Variants in RBM47 observed in about 807,000 individuals in gnomAD.
The protein encoded by RBM47 is RNA binding motif protein 47, also known as RNA-binding protein 47.
In RBM47, 21 loss-of-function variants were observed where a neutral mutation model predicts 47.1. That is an observed-to-expected ratio of 0.45 (90% CI 0.32 to 0.64). The LOEUF (loss-of-function observed/expected upper bound fraction) is 0.64, where lower values mean the gene tolerates loss of function less well. Ranked by LOEUF, RBM47 falls within the 30% of genes least tolerant of loss-of-function variation. The probability of loss-of-function intolerance (pLI) is 0.05; values close to 1 mark genes in which losing one functional copy is unlikely to be tolerated. For synonymous variants in RBM47, 375 were observed against 361.7 expected (o/e 1.04, Z -0.42); for missense variants, 708 against 870.9 (o/e 0.81, Z 2.35).
At position 40,554,766 on chromosome 4, in the gene RBM47, C is replaced by T. The variant is rs115466522; in HGVS notation, c.-239-10260G>A. Among the ~76,000 whole-genome samples the T allele has an allele frequency of 4.0e-3, 610 of 151,136 alleles. 1 individual carries two copies. The highest frequency in any genetic ancestry group is 0.014 in the African/African-American group (571 of 41,266). On this transcript the variant is annotated intron_variant, in intron 1 of 6. Coordinates refer to ENST00000295971, the MANE Select transcript of RBM47 (RefSeq NM_001098634.2). ...ATCTCTCTCTCCTTTCTTTCCCTCC[C>T]TCCCTCCCTTTCTTCCTTTTTTTTT...
intron 2 of RBM47, among the ~76,000 whole-genome samples, chr4:40,531,390 TC>T (rs1727373321): frequency 1.3e-5 from 2 of 151,624 alleles, no homozygotes; most frequent in Admixed American, 6.6e-5. Context: ...TGAATGGAGC[TC>T]CCCTGGTCCT....
At chr4:40,534,892 G>A (rs890011039) in intron 2 of RBM47, among the ~76,000 whole-genome samples, 1 of 148,318 alleles carries the variant, frequency 6.7e-6, no homozygotes, top group Non-Finnish European at 1.5e-5. Context: ...CCGAGATCGT[G>A]CCAGTGCACT....
chr4:40,476,957 G>A (rs751698012), intron 2 of RBM47, among the ~76,000 whole-genome samples: 32 of 152,306 alleles, frequency 2.1e-4, no homozygotes, highest in Middle Eastern at 3.4e-3. Flanking sequence ...AGAATGGGCC[G>A]GGTGTGGTGG....
In RBM47 at chr4:40,476,199, T is replaced by C. The variant is rs142450034; in HGVS notation, c.-154-9500A>G. Among the ~76,000 whole-genome samples, 336 of 152,244 alleles carry C rather than the reference T, an allele frequency of 2.2e-3. 2 individuals carry two copies. Among genetic ancestry groups the C allele is most frequent in the South Asian group, 5.0e-3 (24 of 4,830 alleles). On this transcript the variant is annotated intron_variant, in intron 2 of 6. Transcript: ENST00000295971. ...GCTGTTGGGATTAAATAAATAAATA[T>C]ACGTAAAGTGTTTAGAAAAGCTCCT...
chr4:40,423,713 T>TTTC lies in RBM47; in HGVS notation c.*2190_*2191insGAA, dbSNP rs200814411. 5.4e-4 allele frequency: 42 copies of TTTC among 78,222 alleles called. No homozygotes were observed. The highest frequency in any genetic ancestry group is 3.8e-3 in the East Asian group (6 of 1,580). 4.8% of individuals were successfully genotyped at this position (78,222 alleles called of 1,614,324 possible). A position where few individuals can be genotyped will look rare whatever the true frequency, so the allele number is the denominator to read the frequency against. ...CTTTCTTTCTTTCTTTCTTTCTTTC[T>TTTC]TTTCTTTCTTTTCTTTCTTCCTCTT... On this transcript the variant is annotated 3_prime_UTR_variant, in exon 7 of 7. Transcript: ENST00000295971.
intron 2 of RBM47, among the ~76,000 whole-genome samples, chr4:40,534,889 C>G (rs772712615): frequency 2.7e-5 from 4 of 147,390 alleles, no homozygotes; most frequent in African/African-American, 1.0e-4. Flanking sequence ...GAGCCGAGAT[C>G]GTGCCAGTGC....
intron 1 of RBM47, among the ~76,000 whole-genome samples, chr4:40,569,845 G>C (rs1037569253): frequency 1.3e-5 from 2 of 151,704 alleles, no homozygotes; most frequent in African/African-American, 4.8e-5. Flanking sequence ...CAAGTAGCTG[G>C]GATTACAGAT....
chr4:40,458,659 TG>T (rs1260476033), intron 3 of RBM47, among the ~76,000 whole-genome samples: 1 of 152,150 alleles, frequency 6.6e-6, no homozygotes, highest in Non-Finnish European at 1.5e-5. Flanking sequence ...AAAGACAAAA[TG>T]CATTAAATAC....
At chr4:40,507,934 C>T (rs1441075558) in intron 2 of RBM47, among the ~76,000 whole-genome samples, 8 of 151,726 alleles carry the variant, frequency 5.3e-5, no homozygotes, top group African/African-American at 1.7e-4. Context: ...GGCGTGGTGG[C>T]GCATGCCTGT....
chr4:40,597,543 C>T (rs1354172661), intron 1 of RBM47, among the ~76,000 whole-genome samples: 1 of 152,158 alleles, frequency 6.6e-6, no homozygotes, highest in African/African-American at 2.4e-5. Flanking sequence ...GATCACGCCA[C>T]TGCACTCCAG....
intron 1 of RBM47, among the ~76,000 whole-genome samples, chr4:40,599,691 G>A (rs1735066820): frequency 6.7e-6 from 1 of 149,938 alleles, no homozygotes; most frequent in Non-Finnish European, 1.5e-5. Flanking sequence ...TGTGAGCAAA[G>A]CCATCTTAAA....
intron 2 of RBM47, among the ~76,000 whole-genome samples, chr4:40,540,726 A>T (rs1206735053): frequency 1.3e-5 from 2 of 149,008 alleles, no homozygotes; most frequent in Non-Finnish European, 3.0e-5. Flanking sequence ...TTCCTTATAG[A>T]ACTATATAGG....
chr4:40,487,032 C>T lies in RBM47; in HGVS notation c.-154-20333G>A, dbSNP rs1721184304. Among the ~76,000 whole-genome samples, 3 of 152,300 alleles carry T rather than the reference C, an allele frequency of 2.0e-5. No individual in the cohort carries two copies. In the South Asian group the frequency reaches 6.2e-4, roughly 32 times the overall value. ...AGTATTTCTTTAAGACTTACTTAAACTGGAAGAGTCCTAAGATTTCAGTAG... is the reference window on the plus strand; with the variant it reads ...AGTATTTCTTTAAGACTTACTTAAATTGGAAGAGTCCTAAGATTTCAGTAG... On this transcript the variant is annotated intron_variant, in intron 2 of 6. Coordinates refer to ENST00000295971, the MANE Select transcript of RBM47 (RefSeq NM_001098634.2).
intron 1 of RBM47, among the ~76,000 whole-genome samples, chr4:40,588,842 G>A (rs1733842757): frequency 2.6e-5 from 4 of 152,000 alleles, no homozygotes; most frequent in Admixed American, 2.6e-4. Flanking sequence ...TTCAGCAACA[G>A]GGGCACTGGA....
At chr4:40,513,864 G>A (rs547950341) in intron 2 of RBM47, among the ~76,000 whole-genome samples, 8 of 152,048 alleles carry the variant, frequency 5.3e-5, no homozygotes, top group South Asian at 2.1e-4. Context: ...GACTACCGGC[G>A]CACACCACCA....
At chr4:40,574,787 T>G (rs12650405) in intron 1 of RBM47, among the ~76,000 whole-genome samples, 23,095 of 152,058 alleles carry the variant, frequency 0.15, 2,187 homozygotes, top group Admixed American at 0.23. Flanking sequence ...GAGGCAGAGG[T>G]TGCATTGAGC....
In RBM47 at chr4:40,429,396, T is replaced by A. The variant is rs278979; in HGVS notation, c.1543-3253A>T. Among the ~76,000 whole-genome samples the A allele has an allele frequency of 5.5e-4, 84 of 151,654 alleles. 1 individual carries two copies. The East Asian group carries it at 0.015, about 27-fold the overall frequency. ...GAAATTGTGAAGAAGGAAAAAAAAA[T>A]TCGTTCATAGTATATTATTAGTTTG... On this transcript the variant is annotated intron_variant, in intron 6 of 6. Transcript: ENST00000295971.
intron 2 of RBM47, among the ~76,000 whole-genome samples, chr4:40,534,479 G>A (rs1000193297): frequency 6.6e-6 from 1 of 152,072 alleles, no homozygotes; most frequent in African/African-American, 2.4e-5. Flanking sequence ...ATTACACTCC[G>A]TATAGCTAAA....
chr4:40,497,099 G>A (rs1336017609), intron 2 of RBM47, among the ~76,000 whole-genome samples: 1 of 149,444 alleles, frequency 6.7e-6, no homozygotes, highest in Non-Finnish European at 1.5e-5. Context: ...AGCTGTTAAA[G>A]AATTTGCCCA....
Sources: allele counts gnomAD v4.1 joint callset (sites outside exome capture counted in the v4.1 genomes callset), GRCh38; gene constraint gnomAD v4.1.1; transcripts MANE v1.5; gene names NCBI Gene and HGNC (gene_info 2026-07-23, HGNC 2026-07-21).